SV2C: variants seen among roughly 807,000 people sequenced by gnomAD.
The protein encoded by SV2C is synaptic vesicle glycoprotein 2C, also known as solute carrier family 22 member B3.
A neutral mutation model predicts 79.7 loss-of-function variants in SV2C; 49 were observed. The observed-to-expected ratio is 0.61, with a 90% CI of 0.49 to 0.78. SV2C has a LOEUF of 0.78. Ranked by LOEUF, SV2C falls within the 30% of genes least tolerant of loss-of-function variation. The pLI is 0.00. For missense variants in SV2C, 833 were observed against 912.9 expected, an observed-to-expected ratio of 0.91 and a Z score of 1.13; for synonymous variants, 334 against 333.2, an observed-to-expected ratio of 1.00 and a Z score of -0.03.
chr5:76,236,493 C>T (rs764182052), intron 4 of SV2C, among the ~76,000 whole-genome samples: 2 of 151,894 alleles, frequency 1.3e-5, no homozygotes, highest in Non-Finnish European at 2.9e-5. Context: ...ACCCAGGGGG[C>T]AGAGGTTGCA....
chr5:76,229,037 T>C (rs2112394318), intron 4 of SV2C, among the ~76,000 whole-genome samples: 1 of 152,312 alleles, frequency 6.6e-6, no homozygotes, highest in South Asian at 2.1e-4. Flanking sequence ...TCAAGGGCAA[T>C]GCCTTTTCCC....
the SV2C span, among the ~76,000 whole-genome samples, chr5:75,961,749 C>T: frequency 6.6e-6 from 1 of 151,762 alleles, no homozygotes; most frequent in Non-Finnish European, 1.5e-5. Flanking sequence ...ACATTTAGAT[C>T]AACATATATG....
intron 2 of SV2C, chr5:76,173,538 T>C (rs1253527544): frequency 3.9e-6 from 5 of 1,266,486 alleles, no homozygotes; most frequent in Admixed American, 1.7e-5. Flanking sequence ...ATTTAAGATG[T>C]TGGTAGGTTT....
At chr5:76,023,684 G>GTGTGTA in the SV2C span, among the ~76,000 whole-genome samples, 25 of 148,852 alleles carry the variant, frequency 1.7e-4, no homozygotes, top group Non-Finnish European at 3.1e-4. Flanking sequence ...ATGTGTGTGT[G>GTGTGTA]TATATATATA....
chr5:75,998,648 GTGTGTATGTGTGAA>G, the SV2C span, among the ~76,000 whole-genome samples: 11 of 151,754 alleles, frequency 7.2e-5, no homozygotes, highest in African/African-American at 2.7e-4. Flanking sequence ...GTGTGCATGT[GTGTGTATGTGTGAA>G]TGTGTATGTG....
At chr5:76,058,047 T>C in the SV2C span, among the ~76,000 whole-genome samples, 1 of 152,194 alleles carries the variant, frequency 6.6e-6, no homozygotes, top group Admixed American at 6.6e-5. Flanking sequence ...ACAGAGATAC[T>C]ATTATGGCAT....
intron 1 of SV2C, among the ~76,000 whole-genome samples, chr5:76,087,215 G>A (rs1411434486): frequency 6.6e-6 from 1 of 152,136 alleles, no homozygotes; most frequent in African/African-American, 2.4e-5. Context: ...GATCAAATTT[G>A]AAAAATAATT....
chr5:76,056,624 CTTTTTTTTTTT>C, the SV2C span, among the ~76,000 whole-genome samples: 4 of 65,718 alleles, frequency 6.1e-5, no homozygotes, highest in South Asian at 1.4e-3. Context: ...CCTGGGCTTT[CTTTTTTTTTTT>C]TTTTTTTTTT....
At chr5:76,025,720 T>C in the SV2C span, among the ~76,000 whole-genome samples, 1 of 152,212 alleles carries the variant, frequency 6.6e-6, no homozygotes, top group South Asian at 2.1e-4. Flanking sequence ...ACCATGAGTT[T>C]CTGTGTTTAA....
the SV2C span, among the ~76,000 whole-genome samples, chr5:75,854,658 G>C: frequency 1.3e-5 from 2 of 151,982 alleles, no homozygotes; most frequent in African/African-American, 4.8e-5. Context: ...TTCAGTTTTT[G>C]CTTTGTTTTT....
chr5:76,352,306 C>T (rs547889980), intron 12 of SV2C, among the ~76,000 whole-genome samples: 31 of 152,240 alleles, frequency 2.0e-4, no homozygotes, highest in African/African-American at 7.5e-4. Flanking sequence ...CAACTCCATC[C>T]AAAAAGGAAG....
chr5:76,263,040 C>T (rs960992785), intron 4 of SV2C, among the ~76,000 whole-genome samples: 1 of 152,130 alleles, frequency 6.6e-6, no homozygotes, highest in Non-Finnish European at 1.5e-5. Flanking sequence ...GTGTTAAAGT[C>T]TTCCACTATT....
At chr5:76,012,296 C>T in the SV2C span, among the ~76,000 whole-genome samples, 1 of 152,168 alleles carries the variant, frequency 6.6e-6, no homozygotes, top group African/African-American at 2.4e-5. Flanking sequence ...TTAATGATTG[C>T]CATTCTAACT....
chr5:76,259,122 T>G (rs1702200957), intron 4 of SV2C, among the ~76,000 whole-genome samples: 2 of 152,248 alleles, frequency 1.3e-5, no homozygotes, highest in Admixed American at 6.5e-5. Flanking sequence ...TTAATTTTTT[T>G]AAGGCTGCTC....
At position 76,295,898 on chromosome 5, in the gene SV2C, A is replaced by C. The variant is rs1747738760; in HGVS notation, c.1458A>C (p.Thr486=). 4 of 1,612,408 alleles carry C rather than the reference A, an allele frequency of 2.5e-6. No individual in the cohort carries two copies. The highest frequency in any genetic ancestry group is 3.4e-6 in the Non-Finnish European group (4 of 1,179,372). The change falls in exon 9 of 13, where the codon ACA becomes ACC. Residue 486 remains threonine (T), a synonymous_variant. Coordinates refer to ENST00000502798, the MANE Select transcript of SV2C (RefSeq NM_014979.4). Reference sequence around the variant, plus strand: ...ATGCAAATTTCACTATTAACTTTACAATGGAAAATCAGATTCATACTGGAA... The same window carrying C: ...ATGCAAATTTCACTATTAACTTTACCATGGAAAATCAGATTCATACTGGAA... ...DKYANFTINF[T]MENQIHTGME...
the SV2C span, among the ~76,000 whole-genome samples, chr5:75,953,996 G>T: frequency 6.6e-6 from 1 of 151,938 alleles, no homozygotes; most frequent in Non-Finnish European, 1.5e-5. Context: ...GTAATTCAAA[G>T]GAGTAGATTC....
the SV2C span, among the ~76,000 whole-genome samples, chr5:76,029,743 G>C: frequency 1.7e-3 from 261 of 152,276 alleles, 7 homozygotes; most frequent in East Asian, 0.049. Context: ...ACAGATCCAA[G>C]AATTTGCTTT....
chr5:76,013,015 G>A, the SV2C span, among the ~76,000 whole-genome samples: 1 of 152,138 alleles, frequency 6.6e-6, no homozygotes, highest in Non-Finnish European at 1.5e-5. Context: ...TAGCCTTGTA[G>A]TATAGTTTGA....
intron 10 of SV2C, among the ~76,000 whole-genome samples, chr5:76,300,156 A>ATTATTATTATTATT (rs1747932180): frequency 2.9e-5 from 4 of 139,686 alleles, no homozygotes; most frequent in African/African-American, 1.1e-4. Flanking sequence ...TCAAATAAAA[A>ATTATTATTATTATT]ATTATTATTA....
Sources: gnomAD v4.1 joint callset for allele counts (sites outside exome capture counted in the v4.1 genomes callset) on GRCh38, gnomAD v4.1.1 for gene constraint, MANE v1.5 for transcripts, NCBI Gene and HGNC (gene_info 2026-07-23, HGNC 2026-07-21) for gene names.